Variants in RYR2 observed in about 807,000 individuals in gnomAD.
RYR2 encodes the protein cardiac muscle ryanodine receptor-calcium release channel.
A neutral mutation model predicts 601.1 loss-of-function variants in RYR2; 227 were observed. That is an observed-to-expected ratio of 0.38 (90% CI 0.34 to 0.42). The LOEUF (loss-of-function observed/expected upper bound fraction) is 0.42, where lower values mean the gene tolerates loss of function less well. Among genes scored for constraint, RYR2 ranks in the 10% least tolerant of loss-of-function variants. The probability of loss-of-function intolerance (pLI) is 1.00; values close to 1 mark genes in which losing one functional copy is unlikely to be tolerated. For synonymous variants in RYR2, 2,223 were observed against 2,175.1 expected (o/e 1.02, Z -0.61); for missense variants, 4,646 against 6,156.5 (o/e 0.75, Z 8.21).
At chr1:237,573,236 A>G (rs1329533456) in intron 29 of RYR2, among the ~76,000 whole-genome samples, 3 of 22,678 alleles carry the variant, frequency 1.3e-4, no homozygotes, top group African/African-American at 2.6e-4. Flanking sequence ...ACACATACAC[A>G]CACACACACA....
At chr1:237,083,330 C>T (rs1665957924) in intron 1 of RYR2, among the ~76,000 whole-genome samples, 1 of 152,140 alleles carries the variant, frequency 6.6e-6, no homozygotes, top group Non-Finnish European at 1.5e-5. Flanking sequence ...ATCCCAGGAT[C>T]TGGTATGTGC....
intron 1 of RYR2, among the ~76,000 whole-genome samples, chr1:237,260,610 A>T (rs1688417881): frequency 6.6e-6 from 1 of 152,188 alleles, no homozygotes; most frequent in Admixed American, 6.5e-5. Context: ...AGGTGGGCAG[A>T]TCGCTTAAGT....
intron 29 of RYR2, among the ~76,000 whole-genome samples, chr1:237,580,975 G>C (rs911707012): frequency 2.6e-5 from 4 of 152,190 alleles, no homozygotes; most frequent in African/African-American, 9.7e-5. Context: ...AAGTCACTCA[G>C]TCTGTGATCA....
At chr1:237,259,278 C>T (rs751181459) in intron 1 of RYR2, among the ~76,000 whole-genome samples, 1 of 151,996 alleles carries the variant, frequency 6.6e-6, no homozygotes, top group African/African-American at 2.4e-5. Flanking sequence ...GAGGCCAAGG[C>T]GGGAGGATCA....
At chr1:237,195,433 A>G (rs528212413) in intron 1 of RYR2, among the ~76,000 whole-genome samples, 4 of 152,116 alleles carry the variant, frequency 2.6e-5, no homozygotes, top group Non-Finnish European at 5.9e-5. Flanking sequence ...TTGTATGTTT[A>G]GTAGAGACGG....
At chr1:237,312,658 G>T (rs538734880) in intron 2 of RYR2, among the ~76,000 whole-genome samples, 1 of 152,256 alleles carries the variant, frequency 6.6e-6, no homozygotes, top group African/African-American at 2.4e-5. Context: ...TAAAATCTGT[G>T]ACATAGGGAG....
At chr1:237,203,727 GA>G (rs1681459276) in intron 1 of RYR2, among the ~76,000 whole-genome samples, 6 of 152,110 alleles carry the variant, frequency 3.9e-5, no homozygotes, top group Admixed American at 3.9e-4. Context: ...TTACACAAAG[GA>G]AAATATACAT....
intron 100 of RYR2, among the ~76,000 whole-genome samples, chr1:237,818,209 C>T (rs1419221848): frequency 6.6e-6 from 1 of 152,184 alleles, no homozygotes; most frequent in East Asian, 1.9e-4. Flanking sequence ...TTGCCACCCC[C>T]TGCCCCAGGA....
intron 40 of RYR2, 64 bp downstream of exon 40, chr1:237,625,868 A>G: frequency 6.4e-7 from 1 of 1,565,362 alleles, no homozygotes; most frequent in Non-Finnish European, 8.7e-7. Context: ...CATCCTTTGA[A>G]CGAATGTTTT....
At chr1:237,149,146 T>C (rs1470057680) in intron 1 of RYR2, among the ~76,000 whole-genome samples, 4 of 152,158 alleles carry the variant, frequency 2.6e-5, no homozygotes, top group Admixed American at 6.5e-5. Flanking sequence ...ATACCAACCA[T>C]GATAGAGGAA....
In RYR2 at chr1:237,390,605, T is replaced by A. The variant is rs73102482; in HGVS notation, c.773+2422T>A. On this transcript the variant is annotated intron_variant, in intron 10 of 104. Coordinates refer to ENST00000366574, the MANE Select transcript of RYR2 (RefSeq NM_001035.3). ...GTTTGAGGGACTCTGGGCATATGGA[T>A]GACAGAATGGCAGAGCATAGACTTT... is the stretch of plus-strand genomic sequence containing the variant. Among the ~76,000 whole-genome samples the A allele has an allele frequency of 5.7e-3, 871 of 152,262 alleles. 10 individuals are homozygous for A. The highest frequency in any genetic ancestry group is 0.019 in the African/African-American group (792 of 41,564).
rs1705757186 is a variant in RYR2, at chr1:237,423,074, CCTAA to C, written c.849-15_849-12del. 1 of 1,608,370 alleles carries C rather than the reference CCTAA, an allele frequency of 6.2e-7. No individual in the cohort carries two copies. The highest frequency in any genetic ancestry group is 1.7e-4 in the Middle Eastern group (1 of 6,038). ...GATTGTGGGTGCTATTGGATCAAGT[CCTAA>C]CTGTTTTCATTAGGTGGAGTGGAAG... On this transcript the variant is annotated splice_polypyrimidine_tract_variant and intron_variant, in intron 11 of 104. Transcript: ENST00000366574.
intron 1 of RYR2, among the ~76,000 whole-genome samples, chr1:237,248,152 A>T (rs1687057116): frequency 6.6e-6 from 1 of 151,790 alleles, no homozygotes; most frequent in Admixed American, 6.6e-5. Context: ...CACTCCTGTA[A>T]TCCCAGCTAC....
At chr1:237,801,742 C>A in intron 97 of RYR2, 114 bp from the exon 98 acceptor site, 1 of 564,738 alleles carries the variant, frequency 1.8e-6, no homozygotes. Flanking sequence ...ACTCGTTTCC[C>A]AAGAAGGTGT....
chr1:237,232,070 C>G lies in RYR2; in HGVS notation c.49-38427C>G, dbSNP rs115049389. Among the ~76,000 whole-genome samples the G allele has an allele frequency of 2.6e-3, 402 of 152,298 alleles. 2 individuals are homozygous for G. The highest frequency in any genetic ancestry group is 9.3e-3 in the African/African-American group (386 of 41,576). On this transcript the variant is annotated intron_variant, in intron 1 of 104. Transcript: ENST00000366574. ...AGAAAATGTGAACAGAGGAGTGATA[C>G]TGTAAAATACATACTTGGTGTTCAA...
intron 1 of RYR2, among the ~76,000 whole-genome samples, chr1:237,234,192 G>A (rs1336840485): frequency 6.6e-6 from 1 of 152,054 alleles, no homozygotes; most frequent in Non-Finnish European, 1.5e-5. Context: ...TTATTCTTCA[G>A]CAAGAATCAA....
rs767849564 is a variant in RYR2, at chr1:237,566,647, G to C, written c.3295G>C (p.Gly1099Arg). ...RAEKTYAVKA[G>R]RWYFEFETVT... is the part of the protein sequence containing the mutation. ...CGAGAAGACCTATGCAGTGAAGGCC[G>C]GACGGTGGTATTTTGAATTTGAGAC... The change falls in exon 28 of 105, where the codon GGA becomes CGA. Residue 1099 changes from glycine (G) to arginine (R), a missense_variant. Gly to Arg is a moderately radical substitution (Grantham distance 125). Coordinates refer to ENST00000366574, the MANE Select transcript of RYR2 (RefSeq NM_001035.3). The C allele has an allele frequency of 6.2e-7, 1 of 1,613,948 alleles. No homozygotes were observed. The highest frequency in any genetic ancestry group is 8.5e-7 in the Non-Finnish European group (1 of 1,179,870).
intron 1 of RYR2, among the ~76,000 whole-genome samples, chr1:237,207,469 G>A (rs529159459): frequency 3.3e-5 from 5 of 152,312 alleles, no homozygotes; most frequent in African/African-American, 9.6e-5. Context: ...AGGAGGCTGA[G>A]GCAGGAGAAT....
At chr1:237,294,737 T>C (rs753779761) in intron 2 of RYR2, among the ~76,000 whole-genome samples, 40 of 152,128 alleles carry the variant, frequency 2.6e-4, no homozygotes, top group African/African-American at 8.2e-4. Context: ...TGTATGGTGG[T>C]TTCATTGATT....
Sources: gnomAD v4.1 joint callset for allele counts (sites outside exome capture counted in the v4.1 genomes callset) on GRCh38, gnomAD v4.1.1 for gene constraint, MANE v1.5 for transcripts, NCBI Gene and HGNC (gene_info 2026-07-23, HGNC 2026-07-21) for gene names.